The following TMEM184B variants were observed in gnomAD, a reference collection of about 807,000 sequenced individuals.
TMEM184B encodes the protein putative MAPK-activating protein FM08.
Under a neutral mutation model 41.8 loss-of-function variants are expected in TMEM184B, and 17 were observed. That is an observed-to-expected ratio of 0.41 (90% confidence interval 0.28 to 0.61). The LOEUF (loss-of-function observed/expected upper bound fraction) is 0.61. Ranked by LOEUF, TMEM184B falls within the 20% of genes least tolerant of loss-of-function variation. TMEM184B has a pLI of 0.34. For missense variants in TMEM184B, 393 were observed against 557.8 expected (o/e 0.70, Z 2.98); for synonymous variants, 240 against 229.5 (o/e 1.05, Z -0.41).
At chr22:38,244,180 A>G (rs952320707) in intron 3 of TMEM184B, among the ~76,000 whole-genome samples, 3 of 151,904 alleles carry the variant, frequency 2.0e-5, no homozygotes, top group African/African-American at 2.4e-5. Context: ...CCTGTGCCCT[A>G]TGAGTTCTCA....
Position 38,226,691 on chromosome 22 carries a change from G to GC in TMEM184B, c.617+87dup, listed in dbSNP as rs1324071621. On this transcript the variant is annotated intron_variant, in intron 6 of 8. Coordinates refer to ENST00000361906, the MANE Select transcript of TMEM184B (RefSeq NM_012264.5). The surrounding 1 kb of genome is among the most constrained non-coding windows in gnomAD (Gnocchi z 4.6). ...CACCCAGGAAGGTCATGGCTGTGCGGCCACTCTGGCTGCCCCCTTCCCTGA... is the reference window on the plus strand; with the variant it reads ...CACCCAGGAAGGTCATGGCTGTGCGGCCCACTCTGGCTGCCCCCTTCCCTGA... The GC allele has an allele frequency of 1.5e-6, 2 of 1,343,114 alleles. No homozygotes were observed. The highest frequency in any genetic ancestry group is 5.1e-5 in the East Asian group (2 of 39,210). 83.2% of individuals were successfully genotyped at this position (1,343,114 alleles called of 1,614,324 possible).
At chr22:38,262,047 T>C (rs2092376547) in intron 1 of TMEM184B, among the ~76,000 whole-genome samples, 1 of 152,156 alleles carries the variant, frequency 6.6e-6, no homozygotes, top group Admixed American at 6.5e-5. Flanking sequence ...AATGAATAAA[T>C]AGTGGTATAT....
chr22:38,266,598 T>G (rs1475949982), intron 1 of TMEM184B, among the ~76,000 whole-genome samples: 1 of 152,252 alleles, frequency 6.6e-6, no homozygotes, highest in Non-Finnish European at 1.5e-5. Flanking sequence ...TCTGATTCTT[T>G]TCTATCTATA....
At chr22:38,229,371 C>T (rs115794839) in intron 5 of TMEM184B, among the ~76,000 whole-genome samples, 3,088 of 152,358 alleles carry the variant, frequency 0.02, 105 homozygotes, top group African/African-American at 0.07. Flanking sequence ...ACATCCATGA[C>T]CTCATCTGAT....
intron 1 of TMEM184B, among the ~76,000 whole-genome samples, chr22:38,259,484 G>A (rs1435542990): frequency 6.6e-6 from 1 of 152,234 alleles, no homozygotes; most frequent in Non-Finnish European, 1.5e-5. Context: ...GGTAGAGAGC[G>A]AGAAGAGGGC....
rs1278633623 is a variant in TMEM184B at position 38,219,772 on chromosome 22, G to T, written c.*1697C>A. On this transcript the variant is annotated 3_prime_UTR_variant, in exon 9 of 9. Coordinates refer to ENST00000361906, the MANE Select transcript of TMEM184B (RefSeq NM_012264.5). The stretch of plus-strand genomic sequence containing the variant: ...AGAGACAGCTTGGTGAAAGCAGATG[G>T]CGGGGCAGGGCCAGGGCTGGTCCTC... 1.0e-6 allele frequency: 1 copy of T among 985,520 alleles called. No homozygotes were observed. Among genetic ancestry groups the T allele is most frequent in the Non-Finnish European group, 1.2e-6 (1 of 830,084 alleles). 61.0% of individuals were successfully genotyped at this position (985,520 alleles called of 1,614,324 possible).
At chr22:38,270,534 T>C (rs983194997) in intron 1 of TMEM184B, among the ~76,000 whole-genome samples, 1 of 152,202 alleles carries the variant, frequency 6.6e-6, no homozygotes, top group Admixed American at 6.5e-5. Flanking sequence ...TTGTTACACA[T>C]TGGGCTCCCT....
intron 2 of TMEM184B, among the ~76,000 whole-genome samples, chr22:38,247,393 C>T (rs765013476): frequency 2.8e-4 from 42 of 152,224 alleles, no homozygotes; most frequent in Non-Finnish European, 5.4e-4. Context: ...ATGGGCGAGG[C>T]TTGAAGCCAG....
intron 3 of TMEM184B, among the ~76,000 whole-genome samples, chr22:38,244,526 A>G (rs192655943): frequency 6.6e-6 from 1 of 151,576 alleles, no homozygotes; most frequent in East Asian, 1.9e-4. Flanking sequence ...GCACGACCTC[A>G]GCTCACCACA....
rs1167401176 is a variant in TMEM184B, at chr22:38,230,210, G to A, written c.525+459C>T. On this transcript the variant is annotated intron_variant, in intron 5 of 8. Transcript: ENST00000361906. Reference sequence around the variant, plus strand: ...ACTGCCAAGGCTACTCTAGACCACAGGGAAGTCAGCCCAGGAAGCTAGAGC... The same window carrying A: ...ACTGCCAAGGCTACTCTAGACCACAAGGAAGTCAGCCCAGGAAGCTAGAGC... Among the ~76,000 whole-genome samples the A allele has an allele frequency of 2.0e-5, 3 of 151,240 alleles. 1 individual carries two copies. The East Asian group carries it at 5.9e-4, about 30-fold the overall frequency.
intron 5 of TMEM184B, among the ~76,000 whole-genome samples, chr22:38,228,796 A>C (rs2145585212): frequency 6.6e-6 from 1 of 152,340 alleles, no homozygotes; most frequent in East Asian, 1.9e-4. Context: ...AGGAACAAGA[A>C]CAGAACATCT....
At chr22:38,253,535 C>T (rs1365127192) in intron 1 of TMEM184B, among the ~76,000 whole-genome samples, 1 of 152,102 alleles carries the variant, frequency 6.6e-6, no homozygotes, top group East Asian at 1.9e-4. Context: ...CACACCACTG[C>T]ACTCCAGCCT....
intron 3 of TMEM184B, among the ~76,000 whole-genome samples, chr22:38,244,342 T>C (rs990143968): frequency 2.6e-5 from 4 of 152,106 alleles, no homozygotes; most frequent in Non-Finnish European, 5.9e-5. Context: ...CCAGAGCTGC[T>C]CTGCCTGAGA....
In TMEM184B at chr22:38,245,757, A is replaced by G. The variant is rs1347436299; in HGVS notation, c.358+178T>C. 2.6e-5 allele frequency among the ~76,000 whole-genome samples: 4 copies of G among 152,216 alleles called. No individual in the cohort carries two copies. In the East Asian group the frequency reaches 7.7e-4, roughly 29 times the overall value. On this transcript the variant is annotated intron_variant, in intron 3 of 8. Transcript: ENST00000361906. The stretch of plus-strand genomic sequence containing the variant: ...CTTGCTTCCAGGTACCTGTGAGGTG[A>G]GACTCTAGCTGCATGTGCTGTTACC...
intron 1 of TMEM184B, among the ~76,000 whole-genome samples, chr22:38,249,443 C>T (rs2092114966): frequency 6.6e-6 from 1 of 152,206 alleles, no homozygotes; most frequent in South Asian, 2.1e-4. Flanking sequence ...AGTCACTGTG[C>T]CTGGCCTATC....
In TMEM184B at chr22:38,219,509, C is replaced by T; in HGVS notation, c.*1960G>A. 1.0e-6 allele frequency: 1 copy of T among 985,488 alleles called. No homozygotes were observed. Among genetic ancestry groups the T allele is most frequent in the Non-Finnish European group, 1.2e-6 (1 of 829,866 alleles). The allele number at this position is 985,488 out of a possible 1,614,324, so 61.0% of individuals were successfully genotyped here. ...AGTATTCTTTATGTACAAAGAGCTA[C>T]TCTACCTGGAAAGAAAATTAAAAAA... On this transcript the variant is annotated 3_prime_UTR_variant, in exon 9 of 9. Coordinates refer to ENST00000361906, the MANE Select transcript of TMEM184B (RefSeq NM_012264.5).
At chr22:38,216,549 T>TAAA (rs60588032), downstream of TMEM184B, 67,668 of 165,030 alleles carry the variant, frequency 0.41, 15,549 homozygotes, top group African/African-American at 0.63. Context: ...GAGGGGTGTC[T>TAAA]AAAATGGGGT....
intron 3 of TMEM184B, among the ~76,000 whole-genome samples, chr22:38,242,353 C>T (rs2091930224): frequency 6.6e-6 from 1 of 151,930 alleles, no homozygotes; most frequent in Non-Finnish European, 1.5e-5. Context: ...AGGCGTGTGC[C>T]TGTAGTCCCA....
At chr22:38,270,058 C>T (rs1477733639) in intron 1 of TMEM184B, among the ~76,000 whole-genome samples, 1 of 152,194 alleles carries the variant, frequency 6.6e-6, no homozygotes, top group East Asian at 1.9e-4. Context: ...AACTCCTTGG[C>T]GGGGCCTCCA....
Sources: allele counts gnomAD v4.1 joint callset (sites outside exome capture counted in the v4.1 genomes callset), GRCh38; gene constraint gnomAD v4.1.1; non-coding constraint Gnocchi (gnomAD v3.1); transcripts MANE v1.5; gene names NCBI Gene and HGNC (gene_info 2026-07-23, HGNC 2026-07-21).